The following TPD52 variants were observed in gnomAD, a reference collection of about 807,000 sequenced individuals.
TPD52 encodes the protein tumor protein D52.
In TPD52, 17 loss-of-function variants were observed where a neutral mutation model predicts 31.3. The observed-to-expected ratio is 0.54, with a 90% CI of 0.37 to 0.82. The LOEUF (loss-of-function observed/expected upper bound fraction) is 0.82. Ranked by LOEUF, TPD52 falls within the 40% of genes least tolerant of loss-of-function variation. The probability of loss-of-function intolerance (pLI) is 0.00; values close to 1 mark genes in which losing one functional copy is unlikely to be tolerated. For missense variants in TPD52, 212 were observed against 240.1 expected, an observed-to-expected ratio of 0.88 and a Z score of 0.77; for synonymous variants, 83 against 89.6, an observed-to-expected ratio of 0.93 and a Z score of 0.42.
rs1280479616 is a variant in TPD52, at chr8:80,136,209, C to T, written c.19+35216G>A. ...AAAAAAACAAGCACACTCACACACACATTTAAACAAAAGTTGACATTTAAG... is the reference window on the plus strand; with the variant it reads ...AAAAAAACAAGCACACTCACACACATATTTAAACAAAAGTTGACATTTAAG... On this transcript the variant is annotated intron_variant, in intron 1 of 7. Coordinates refer to ENST00000518937, the MANE Select transcript of TPD52 (RefSeq NM_001025253.3). Among the ~76,000 whole-genome samples, 3 of 121,262 alleles carry T rather than the reference C, an allele frequency of 2.5e-5. No individual in the cohort carries two copies. The East Asian group carries it at 1.1e-3, about 44-fold the overall frequency. The allele number at this position is 121,262 out of a possible 152,430, so 79.6% of individuals were successfully genotyped here.
Position 80,035,629 on chromosome 8 carries a change from A to G in TPD52, c.*2487T>C, listed in dbSNP as rs1809848384. 2.0e-5 allele frequency: 3 copies of G among 152,228 alleles called. No homozygotes were observed. The highest frequency in any genetic ancestry group is 7.2e-5 in the African/African-American group (3 of 41,460). The allele number at this position is 152,228 out of a possible 1,614,324, so 9.4% of individuals were successfully genotyped here. Reference sequence around the variant, plus strand: ...CTATTTCAAACTATTCTAAGTTGCTAAGGTGATAATCCAGTTTTGAGCTCT... The same window carrying G: ...CTATTTCAAACTATTCTAAGTTGCTGAGGTGATAATCCAGTTTTGAGCTCT... On this transcript the variant is annotated 3_prime_UTR_variant, in exon 8 of 8. Coordinates refer to ENST00000518937, the MANE Select transcript of TPD52 (RefSeq NM_001025253.3).
rs538382005 is a variant in TPD52, at chr8:80,045,958, A to T, written c.414-1750T>A. Among the ~76,000 whole-genome samples the T allele has an allele frequency of 7.9e-5, 12 of 152,300 alleles. No individual in the cohort carries two copies. In the East Asian group the frequency reaches 2.3e-3, roughly 29 times the overall value. Reference sequence around the variant, plus strand: ...AATTCCTTGTCCCGGGGACCCACACATTGAATTTGGTAGTATCAACAAAAT... The same window carrying T: ...AATTCCTTGTCCCGGGGACCCACACTTTGAATTTGGTAGTATCAACAAAAT... On this transcript the variant is annotated intron_variant, in intron 5 of 7. Transcript: ENST00000518937.
At chr8:80,148,522 CT>C (rs1382496360) in intron 1 of TPD52, among the ~76,000 whole-genome samples, 2 of 152,138 alleles carry the variant, frequency 1.3e-5, no homozygotes, top group Non-Finnish European at 2.9e-5. Flanking sequence ...TGGCATCACC[CT>C]TGACATAACA....
chr8:80,166,528 G>A (rs947978743), intron 1 of TPD52, among the ~76,000 whole-genome samples: 2 of 151,484 alleles, frequency 1.3e-5, no homozygotes, highest in Admixed American at 6.6e-5. Flanking sequence ...CACCACATGC[G>A]GCCATTAAAG....
At chr8:80,160,889 CAAAA>C (rs58923055) in intron 1 of TPD52, among the ~76,000 whole-genome samples, 1,843 of 95,030 alleles carry the variant, frequency 0.019, 42 homozygotes, top group African/African-American at 0.074. Context: ...ACTAAAAATA[CAAAA>C]AAAAAAAAAA....
intron 1 of TPD52, among the ~76,000 whole-genome samples, chr8:80,110,838 C>T (rs1807450102): frequency 6.6e-6 from 1 of 152,166 alleles, no homozygotes; most frequent in African/African-American, 2.4e-5. Context: ...ATAAAAGCTT[C>T]CCCTCTTGCC....
chr8:80,142,239 G>A (rs1380997673), intron 1 of TPD52, among the ~76,000 whole-genome samples: 1 of 152,124 alleles, frequency 6.6e-6, no homozygotes, highest in Non-Finnish European at 1.5e-5. Flanking sequence ...GGCACAAATC[G>A]GGTCTGTATC....
At chr8:80,086,806 G>A (rs775492622) in intron 1 of TPD52, among the ~76,000 whole-genome samples, 39 of 144,194 alleles carry the variant, frequency 2.7e-4, no homozygotes, top group Non-Finnish European at 3.0e-4. Flanking sequence ...CCCGGGAAGC[G>A]GAGATTGCAG....
At chr8:80,073,052 C>T (rs534486132) in intron 1 of TPD52, among the ~76,000 whole-genome samples, 5 of 151,708 alleles carry the variant, frequency 3.3e-5, no homozygotes, top group South Asian at 2.1e-4. Context: ...TGCAGTGAGC[C>T]GAGATCACCC....
intron 4 of TPD52, 64 bp downstream of exon 4, chr8:80,051,463 G>A (rs1811382675): frequency 1.3e-6 from 2 of 1,483,918 alleles, no homozygotes; most frequent in East Asian, 2.3e-5. Context: ...GGAAACAGAT[G>A]CAACAACAAT....
intron 2 of TPD52, among the ~76,000 whole-genome samples, chr8:80,063,705 G>A (rs576235418): frequency 6.6e-6 from 1 of 151,986 alleles, no homozygotes; most frequent in Admixed American, 6.5e-5. Flanking sequence ...GCTGAGGCAG[G>A]AGAATCACTT....
intron 1 of TPD52, among the ~76,000 whole-genome samples, chr8:80,120,563 AAC>A (rs1308474458): frequency 2.0e-5 from 3 of 152,188 alleles, no homozygotes; most frequent in Non-Finnish European, 4.4e-5. Flanking sequence ...ATGGGACTAA[AAC>A]ACAATATATG....
intron 2 of TPD52, among the ~76,000 whole-genome samples, chr8:80,062,401 G>A (rs1288704294): frequency 6.6e-6 from 1 of 151,888 alleles, no homozygotes; most frequent in Non-Finnish European, 1.5e-5. Flanking sequence ...ATGGATCAAG[G>A]GCTTAAATCT....
intron 1 of TPD52, among the ~76,000 whole-genome samples, chr8:80,155,390 C>T (rs143847060): frequency 4.1e-4 from 63 of 152,166 alleles, no homozygotes; most frequent in African/African-American, 1.5e-3. Flanking sequence ...TGCAACAATG[C>T]AGAGGTATGA....
intron 1 of TPD52, among the ~76,000 whole-genome samples, chr8:80,128,363 A>C (rs1190545225): frequency 6.6e-6 from 1 of 151,940 alleles, no homozygotes; most frequent in Non-Finnish European, 1.5e-5. Context: ...ATAGATAATA[A>C]TTTATCATTG....
In TPD52 at chr8:80,038,363, A is replaced by G. The variant is rs60012332; in HGVS notation, c.505-128T>C. 8,186 of 924,972 alleles carry G rather than the reference A, an allele frequency of 8.9e-3. 458 individuals are homozygous for G. In the African/African-American group the frequency reaches 0.12, roughly 14 times the overall value. 57.3% of individuals were successfully genotyped at this position (924,972 alleles called of 1,614,324 possible). The stretch of plus-strand genomic sequence containing the variant: ...AACCTTATAGCTCAGTGATTATTAT[A>G]TATGTATGGAATTTAGTATTGTTGC... On this transcript the variant is annotated intron_variant, in intron 7 of 7. Coordinates refer to ENST00000518937, the MANE Select transcript of TPD52 (RefSeq NM_001025253.3).
In TPD52 at chr8:80,080,409, C is replaced by T. The variant is rs767727319; in HGVS notation, c.20-15816G>A. On this transcript the variant is annotated intron_variant, in intron 1 of 7. Coordinates refer to ENST00000518937, the MANE Select transcript of TPD52 (RefSeq NM_001025253.3). ...TGTTCACTCCTGCATCAAAATCAAA[C>T]GGGGACTGGTAGTCCTCATATAAGT... 1.1e-5 allele frequency: 17 copies of T among 1,614,054 alleles called. No homozygotes were observed. The East Asian group carries it at 1.8e-4, about 17-fold the overall frequency.
At chr8:80,167,444 C>T (rs1313032690) in intron 1 of TPD52, among the ~76,000 whole-genome samples, 1 of 152,186 alleles carries the variant, frequency 6.6e-6, no homozygotes, top group Non-Finnish European at 1.5e-5. Context: ...CCCCTCCTAC[C>T]ACTCAGCTAT....
chr8:80,113,244 A>G (rs531368043), intron 1 of TPD52, among the ~76,000 whole-genome samples: 1 of 147,034 alleles, frequency 6.8e-6, no homozygotes, highest in East Asian at 2.0e-4. Context: ...ATCTCACCCC[A>G]GTTAGAATGG....
Sources: allele counts gnomAD v4.1 joint callset (sites outside exome capture counted in the v4.1 genomes callset), GRCh38; gene constraint gnomAD v4.1.1; transcripts MANE v1.5; gene names NCBI Gene and HGNC (gene_info 2026-07-23, HGNC 2026-07-21).